The following IMPDH1 variants were observed in gnomAD, a reference collection of about 807,000 sequenced individuals.
The protein encoded by IMPDH1 is inosine-5'-monophosphate dehydrogenase 1.
A neutral mutation model predicts 73.5 loss-of-function variants in IMPDH1; 41 were observed. The observed-to-expected ratio is 0.56, with a 90% CI of 0.43 to 0.72. The LOEUF is 0.72. Among genes scored for constraint, IMPDH1 ranks in the 30% least tolerant of loss-of-function variants. The pLI, the probability that IMPDH1 is intolerant of heterozygous loss-of-function variation, is 0.00. For synonymous variants in IMPDH1, 318 were observed against 334.3 expected, an observed-to-expected ratio of 0.95 and a Z score of 0.53; for missense variants, 645 against 824.8, an observed-to-expected ratio of 0.78 and a Z score of 2.67.
chr7:128,400,704 G>C (rs1798270439), intron 7 of IMPDH1, 113 bp downstream of exon 7: 14 of 1,191,124 alleles, frequency 1.2e-5, no homozygotes, highest in Middle Eastern at 2.5e-4. Flanking sequence ...GCTCCACTGA[G>C]AGGAAGGACA....
intron 16 of IMPDH1, chr7:128,393,861 C>T (rs1222255724): frequency 6.4e-6 from 2 of 312,936 alleles, no homozygotes; most frequent in South Asian, 3.1e-5. Flanking sequence ...CTGCCCCCGC[C>T]CACGGTTGCC....
At chr7:128,408,726 T>G (rs1325800837) in intron 3 of IMPDH1, among the ~76,000 whole-genome samples, 9 of 152,174 alleles carry the variant, frequency 5.9e-5, no homozygotes, top group Non-Finnish European at 1.0e-4. Context: ...CCCAACCGGC[T>G]CATTCAGCCC....
Position 128,395,186 on chromosome 7 carries a change from G to A in IMPDH1, c.1350C>T (p.Gly450=), listed in dbSNP as rs780213373. 1.3e-5 allele frequency: 21 copies of A among 1,613,876 alleles called. No homozygotes were observed. The highest frequency in any genetic ancestry group is 8.0e-5 in the African/African-American group (6 of 74,934). The change falls in exon 13 of 17, where the codon GGC becomes GGT. Residue 450 remains glycine (G), a synonymous_variant. Coordinates refer to ENST00000338791, the MANE Select transcript of IMPDH1 (RefSeq NM_000883.4). ...CCACGTGTCCCACGGTCTGGATGCC[G>A]CCATCGGCTATGATGGGCACACCAA... ...RRFGVPIIAD[G]GIQTVGHVVK... is the part of the protein sequence containing the mutation.
intron 3 of IMPDH1, among the ~76,000 whole-genome samples, chr7:128,406,551 C>G (rs1463110571): frequency 2.0e-5 from 3 of 152,044 alleles, no homozygotes; most frequent in Admixed American, 1.3e-4. Context: ...CATAATGACA[C>G]TCCTTGACCT....
chr7:128,400,284 G>C (rs369869768), intron 8 of IMPDH1, 49 bp downstream of exon 8: 1 of 1,600,568 alleles, frequency 6.2e-7, no homozygotes, highest in East Asian at 2.2e-5. Flanking sequence ...AGGCCCCAGC[G>C]TGAGGGTCCT....
chr7:128,393,086 C>T, intron 16 of IMPDH1, 58 bp from the exon 17 acceptor site: 1 of 1,590,166 alleles, frequency 6.3e-7, no homozygotes, highest in Non-Finnish European at 8.6e-7. Context: ...TGCTCCTTCC[C>T]AAAACCCTTT....
chr7:128,395,385 G>A, intron 12 of IMPDH1, 111 bp from the exon 13 acceptor site: 1 of 1,272,446 alleles, frequency 7.9e-7, no homozygotes, highest in South Asian at 1.2e-5. Context: ...TCAGGAAAAG[G>A]GACAGGGCTG....
intron 5 of IMPDH1, among the ~76,000 whole-genome samples, chr7:128,402,275 G>C (rs1798394032): frequency 6.6e-6 from 1 of 152,006 alleles, no homozygotes; most frequent in African/African-American, 2.4e-5. Flanking sequence ...GCTAATTTTT[G>C]CATTTTTAGT....
chr7:128,392,926 A>G lies in IMPDH1; in HGVS notation c.*81T>C, dbSNP rs1418747314. 1.4e-6 allele frequency: 2 copies of G among 1,384,116 alleles called. No individual in the cohort carries two copies. The highest frequency in any genetic ancestry group is 2.1e-6 in the Non-Finnish European group (2 of 971,282). The allele number at this position is 1,384,116 out of a possible 1,614,324, so 85.7% of individuals were successfully genotyped here. The stretch of plus-strand genomic sequence containing the variant: ...AACCCGTAGTGCAAATCTGTGGACC[A>G]CTCAGTTATGGAGGGAGGCTGTGCC... On this transcript the variant is annotated 3_prime_UTR_variant, in exon 17 of 17. Coordinates refer to ENST00000338791, the MANE Select transcript of IMPDH1 (RefSeq NM_000883.4).
Position 128,398,440 on chromosome 7 carries a change from G to C in IMPDH1, c.1048C>G (p.Gln350Glu). The C allele has an allele frequency of 6.2e-7, 1 of 1,613,436 alleles. No homozygotes were observed. Among genetic ancestry groups the C allele is most frequent in the Non-Finnish European group, 8.5e-7 (1 of 1,179,834 alleles). The change falls in exon 10 of 17, where the codon CAG becomes GAG. Residue 350 changes from glutamine to glutamate, a missense_variant. Gln to Glu is a conservative substitution (Grantham distance 29). Around this residue, in one of 2 missense-constraint regions of IMPDH1, gnomAD observed 459 missense variants for 638.2 expected, o/e 0.72. Transcript: ENST00000338791. The surrounding 1 kb of genome is among the most constrained non-coding windows in gnomAD (Gnocchi z 4.3). ...DDKYRLDLLT[Q>E]AGVDVIVLDS... is the part of the protein sequence containing the mutation. ...AAGACTATGACGTCGACGCCCGCCT[G>C]GGTGAGCAGGTCCAGACGGTATTTG...
chr7:128,409,181 C>T (rs1247398577), intron 3 of IMPDH1, 108 bp downstream of exon 3: 14 of 1,004,110 alleles, frequency 1.4e-5, no homozygotes, highest in Middle Eastern at 2.8e-4. Flanking sequence ...CCTCATTCCC[C>T]TACAGACCCC....
chr7:128,407,817 CTG>C (rs1798878675), intron 3 of IMPDH1, among the ~76,000 whole-genome samples: 1 of 152,204 alleles, frequency 6.6e-6, no homozygotes, highest in Non-Finnish European at 1.5e-5. Context: ...GGTGACCTGA[CTG>C]TGACATCTGC....
intron 3 of IMPDH1, among the ~76,000 whole-genome samples, chr7:128,407,478 G>A (rs1202179882): frequency 6.6e-6 from 1 of 152,222 alleles, no homozygotes; most frequent in East Asian, 1.9e-4. Context: ...GACCAGGGGA[G>A]CGTCCTGAGG....
At position 128,395,053 on chromosome 7, in the gene IMPDH1, A is replaced by G; in HGVS notation, c.1406-20T>C. ...TCATCACTACAGTGGGCAAGGGATT[A>G]GTGCCTCCAGCCCACTAGTGCCACC... On this transcript the variant is annotated intron_variant, in intron 13 of 16. Coordinates refer to ENST00000338791, the MANE Select transcript of IMPDH1 (RefSeq NM_000883.4). The G allele has an allele frequency of 1.2e-6, 2 of 1,613,870 alleles. No homozygotes were observed. The highest frequency in any genetic ancestry group is 1.7e-6 in the Non-Finnish European group (2 of 1,180,028).
intron 4 of IMPDH1, 124 bp downstream of exon 4, chr7:128,405,643 C>T (rs1798671175): frequency 7.4e-7 from 1 of 1,345,192 alleles, no homozygotes; most frequent in African/African-American, 1.6e-5. Flanking sequence ...GCCCAGCCCC[C>T]AGCGCCCACA....
rs536760542 is a variant in IMPDH1, at chr7:128,393,090, AC to A, written c.1779-63del. 7.8e-5 allele frequency: 124 copies of A among 1,580,068 alleles called. No individual in the cohort carries two copies. The South Asian group carries it at 1.3e-3, about 17-fold the overall frequency. On this transcript the variant is annotated intron_variant, in intron 16 of 16. Coordinates refer to ENST00000338791, the MANE Select transcript of IMPDH1 (RefSeq NM_000883.4). ...TGTGTGGACCCTGCTCCTTCCCAAA[AC>A]CCTTTCCCCAGGGCCCCCAGATGTA...
In IMPDH1 at chr7:128,409,293, C is replaced by A. The variant is rs756699929; in HGVS notation, c.250G>T (p.Ala84Ser). 20 of 1,613,656 alleles carry A rather than the reference C, an allele frequency of 1.2e-5. No homozygotes were observed. In the South Asian group the frequency reaches 2.2e-4, roughly 18 times the overall value. The part of the protein sequence containing the change: ...VGVQMDRLRR[A>S]SMADYLISGG... ...AGGAGGGGAGAGTGTCCTCACCTAG[C>A]CCTGCGAAGGCGATCCATCTGGACA... Residue 84 changes from alanine (A) to serine (S), a missense_variant, in exon 3 of 17, where the codon GCT becomes TCT. Ala to Ser is a moderately conservative substitution (Grantham distance 99). Transcript: ENST00000338791.
rs1797754885 is a variant in IMPDH1 at position 128,394,372 on chromosome 7, G to A, written c.1695-11C>T. On this transcript the variant is annotated splice_polypyrimidine_tract_variant and intron_variant, in intron 15 of 16. Coordinates refer to ENST00000338791, the MANE Select transcript of IMPDH1 (RefSeq NM_000883.4). The surrounding 1 kb of genome is among the most constrained non-coding windows in gnomAD (Gnocchi z 5.5). ...GAGTACATCATGGACCTAGGAGGAA[G>A]GTAGGTGGAGCAGATCAGGGCCACC... is the stretch of plus-strand genomic sequence containing the variant. 1 of 1,613,750 alleles carries A rather than the reference G, an allele frequency of 6.2e-7. No individual in the cohort carries two copies. The highest frequency in any genetic ancestry group is 8.5e-7 in the Non-Finnish European group (1 of 1,179,678).
At chr7:128,402,471 CAG>C (rs1798407307) in intron 5 of IMPDH1, among the ~76,000 whole-genome samples, 1 of 152,188 alleles carries the variant, frequency 6.6e-6, no homozygotes, top group African/African-American at 2.4e-5. Context: ...CCACACTGGC[CAG>C]TAAACTTTGT....
Sources: allele counts gnomAD v4.1 joint callset (sites outside exome capture counted in the v4.1 genomes callset), GRCh38; gene constraint gnomAD v4.1.1; regional missense constraint gnomAD v4.1.1; non-coding constraint Gnocchi (gnomAD v3.1); transcripts MANE v1.5; gene names NCBI Gene and HGNC (gene_info 2026-07-23, HGNC 2026-07-21).